Variants in SLC4A5 observed in about 807,000 individuals in gnomAD.
The protein encoded by SLC4A5 is electrogenic sodium bicarbonate cotransporter 4.
Under a neutral mutation model 120.4 loss-of-function variants are expected in SLC4A5, and 96 were observed. The observed-to-expected ratio is 0.80, with a 90% CI of 0.68 to 0.94. The LOEUF is 0.94. SLC4A5 is among the 40% of genes least tolerant of loss of function. The pLI is 0.00. For missense variants in SLC4A5, 1,259 were observed against 1,459.5 expected (o/e 0.86, Z 2.24); for synonymous variants, 550 against 571.1 (o/e 0.96, Z 0.53).
At chr2:74,240,889 TAA>T (rs1358367257) in intron 20 of SLC4A5, among the ~76,000 whole-genome samples, 1 of 152,094 alleles carries the variant, frequency 6.6e-6, no homozygotes, top group African/African-American at 2.4e-5. Context: ...TTGGAGACAG[TAA>T]AAGCTCACAA....
chr2:74,242,362 G>A (rs1159380780), intron 19 of SLC4A5, among the ~76,000 whole-genome samples: 2 of 152,206 alleles, frequency 1.3e-5, no homozygotes, highest in South Asian at 2.1e-4. Context: ...GGAGGATAAC[G>A]TGCCTTGTGA....
At chr2:74,264,913 G>A (rs867281522) in intron 9 of SLC4A5, among the ~76,000 whole-genome samples, 191 bp downstream of exon 9, 1 of 152,152 alleles carries the variant, frequency 6.6e-6, no homozygotes, top group Non-Finnish European at 1.5e-5. Context: ...CTCTACTGGA[G>A]GTCTACATGG....
chr2:74,262,068 C>A, intron 11 of SLC4A5, 69 bp downstream of exon 11: 1 of 1,415,472 alleles, frequency 7.1e-7, no homozygotes, highest in Non-Finnish European at 9.8e-7. Flanking sequence ...CCACCTATGG[C>A]AATGTGGCCA....
chr2:74,250,379 A>G, exon 17 of SLC4A5: 11 of 1,614,172 alleles, frequency 6.8e-6, no homozygotes, highest in Non-Finnish European at 9.3e-6. Context: ...GAAGCCCACC[A>G]AAGGTGATCG....
At chr2:74,264,930 A>G (rs1671255682) in intron 9 of SLC4A5, among the ~76,000 whole-genome samples, 174 bp downstream of exon 9, 1 of 152,138 alleles carries the variant, frequency 6.6e-6, no homozygotes, top group Non-Finnish European at 1.5e-5. Context: ...ATGGTACTGA[A>G]ACTTGGAGTG....
intron 10 of SLC4A5, 131 bp from the exon 11 acceptor site, chr2:74,262,363 C>CTTT (rs1308343671): frequency 1.9e-4 from 63 of 336,946 alleles, no homozygotes; most frequent in South Asian, 2.6e-4. Flanking sequence ...GGAAGAAATT[C>CTTT]TTTTTTTTTT....
At chr2:74,319,020 A>C (rs948691048) in intron 5 of SLC4A5, among the ~76,000 whole-genome samples, 1 of 152,174 alleles carries the variant, frequency 6.6e-6, no homozygotes, top group South Asian at 2.1e-4. Flanking sequence ...TATATAATGG[A>C]ATGCTAATCA....
At chr2:74,280,944 C>T (rs573406281) in intron 8 of SLC4A5, among the ~76,000 whole-genome samples, 17 of 152,276 alleles carry the variant, frequency 1.1e-4, no homozygotes, top group African/African-American at 3.6e-4. Context: ...GCTTCAGCCT[C>T]CCAAAGTGCT....
intron 22 of SLC4A5, among the ~76,000 whole-genome samples, 172 bp from the exon 23 acceptor site, chr2:74,233,735 A>G (rs979875144): frequency 6.6e-6 from 1 of 152,224 alleles, no homozygotes; most frequent in Non-Finnish European, 1.5e-5. Flanking sequence ...AAATTCAGAC[A>G]TGGGAAGGAG....
intron 6 of SLC4A5, among the ~76,000 whole-genome samples, chr2:74,311,100 T>C (rs1482980715): frequency 6.6e-6 from 1 of 152,158 alleles, no homozygotes. Flanking sequence ...GGCACAGAGT[T>C]GCTCATAATA....
intron 6 of SLC4A5, among the ~76,000 whole-genome samples, chr2:74,309,165 C>T (rs901828866): frequency 1.3e-5 from 2 of 152,050 alleles, no homozygotes; most frequent in Admixed American, 6.6e-5. Context: ...ACAATCCTCC[C>T]GCCTTGGCCT....
chr2:74,291,942 A>T (rs1479283757), intron 7 of SLC4A5, among the ~76,000 whole-genome samples: 2 of 152,092 alleles, frequency 1.3e-5, no homozygotes, highest in Non-Finnish European at 2.9e-5. Context: ...CTCAATACCC[A>T]AAAAAAGATG....
intron 7 of SLC4A5, among the ~76,000 whole-genome samples, chr2:74,286,940 T>A (rs907350425): frequency 6.6e-6 from 1 of 152,114 alleles, no homozygotes; most frequent in African/African-American, 2.4e-5. Context: ...TGGTGACCAA[T>A]GCCATGACTA....
At position 74,255,939 on chromosome 2, in the gene SLC4A5, A is replaced by G; in HGVS notation, c.868-7T>C. 1 of 1,612,966 alleles carries G rather than the reference A, an allele frequency of 6.2e-7. No individual in the cohort carries two copies. ...TCATGAATTTGTTTTTCCGCTGGACAGGGAGGGGAAACGAGATAGCCAAGG... is the reference window on the plus strand; with the variant it reads ...TCATGAATTTGTTTTTCCGCTGGACGGGGAGGGGAAACGAGATAGCCAAGG... On this transcript the variant is annotated splice_polypyrimidine_tract_variant and splice_region_variant and intron_variant, in intron 12 of 30. Transcript: ENST00000394019. The surrounding 1 kb of genome is among the most constrained non-coding windows in gnomAD (Gnocchi z 4.0).
At chr2:74,219,387 C>T (rs751095695) in intron 30 of SLC4A5, among the ~76,000 whole-genome samples, 2 of 152,150 alleles carry the variant, frequency 1.3e-5, no homozygotes, top group Non-Finnish European at 2.9e-5. Context: ...ACAGGGTGCT[C>T]TGTCTTTGTT....
chr2:74,330,633 A>AGGTGGTGAGGTCTAGATGGG (rs1558917417), intron 4 of SLC4A5, among the ~76,000 whole-genome samples: 1 of 122,126 alleles, frequency 8.2e-6, no homozygotes, highest in Non-Finnish European at 1.7e-5. Flanking sequence ...TGTCAGATGG[A>AGGTGGTGAGGTCTAGATGGG]GGTGGTGAGG....
chr2:74,341,304 CA>C (rs757430815), intron 2 of SLC4A5, among the ~76,000 whole-genome samples: 12,578 of 74,086 alleles, frequency 0.17, 998 homozygotes, highest in East Asian at 0.35. Context: ...GACTCCATCT[CA>C]AAAAAAAAAA....
chr2:74,228,677 C>A (rs1356754341), intron 25 of SLC4A5, among the ~76,000 whole-genome samples: 131 of 102,320 alleles, frequency 1.3e-3, no homozygotes, highest in Non-Finnish European at 1.6e-3. Flanking sequence ...CCAAAAAAAC[C>A]AAAAAAAAAC....
At chr2:74,231,244 T>C in exon 25 of SLC4A5, 1 of 1,611,048 alleles carries the variant, frequency 6.2e-7, no homozygotes, top group East Asian at 2.2e-5. Context: ...ACCTTTAGGA[T>C]GGGAGCCAGG....
Sources: gnomAD v4.1 joint callset for allele counts (sites outside exome capture counted in the v4.1 genomes callset) on GRCh38, gnomAD v4.1.1 for gene constraint, Gnocchi (gnomAD v3.1) non-coding constraint, MANE v1.5 for transcripts, NCBI Gene and HGNC (gene_info 2026-07-23, HGNC 2026-07-21) for gene names.